Variants in ITPR2 observed in about 807,000 individuals in gnomAD.
ITPR2 encodes the protein inositol 1,4,5-trisphosphate receptor type 2, also known as inositol 1,4,5-trisphosphate-gated calcium channel ITPR2.
Under a neutral mutation model 317.1 loss-of-function variants are expected in ITPR2, and 207 were observed. That is an observed-to-expected ratio of 0.65 (90% confidence interval 0.58 to 0.73). The LOEUF is 0.73. Among genes scored for constraint, ITPR2 ranks in the 30% least tolerant of loss-of-function variants. The pLI is 0.00. For missense variants in ITPR2, 2,613 were observed against 3,284.0 expected (o/e 0.80, Z 4.99); for synonymous variants, 1,156 against 1,149.1 (o/e 1.01, Z -0.12).
chr12:26,407,705 A>T (rs533135304), intron 52 of ITPR2, among the ~76,000 whole-genome samples: 3 of 152,328 alleles, frequency 2.0e-5, no homozygotes, highest in African/African-American at 7.2e-5. Context: ...AGGTTGGAAT[A>T]TAAGCTTTGA....
intron 1 of ITPR2, among the ~76,000 whole-genome samples, chr12:26,820,484 C>A (rs1950922486): frequency 6.6e-6 from 1 of 151,810 alleles, no homozygotes; most frequent in African/African-American, 2.4e-5. Flanking sequence ...ACAATGGATA[C>A]AATAGATAAT....
At position 26,832,835 on chromosome 12, in the gene ITPR2, C is replaced by T; in HGVS notation, c.-54G>A. The T allele has an allele frequency of 7.0e-7, 1 of 1,420,598 alleles. No homozygotes were observed. The highest frequency in any genetic ancestry group is 2.4e-5 in the East Asian group (1 of 41,034). The allele number at this position is 1,420,598 out of a possible 1,614,324, so 88.0% of individuals were successfully genotyped here. On this transcript the variant is annotated 5_prime_UTR_variant, in exon 1 of 57. Transcript: ENST00000381340. ...CTCTTCTTCCCTGCGCCCTCGCCGC[C>T]CTCTCTCCAGGGAGCCGCCGCGGCA...
intron 37 of ITPR2, among the ~76,000 whole-genome samples, chr12:26,530,876 T>G (rs1943926559): frequency 6.6e-6 from 1 of 152,228 alleles, no homozygotes; most frequent in Admixed American, 6.5e-5. Context: ...TCATAAAAAT[T>G]ACATTCAGCA....
chr12:26,565,057 C>A (rs934848948), intron 34 of ITPR2, among the ~76,000 whole-genome samples: 17 of 152,244 alleles, frequency 1.1e-4, no homozygotes, highest in East Asian at 3.9e-4. Flanking sequence ...TTTTGAAACA[C>A]GGACTTTATG....
At chr12:26,449,895 A>G (rs994147703) in intron 45 of ITPR2, among the ~76,000 whole-genome samples, 8 of 152,286 alleles carry the variant, frequency 5.3e-5, no homozygotes, top group African/African-American at 1.7e-4. Flanking sequence ...CCTGGTACCT[A>G]TGAATGTGAT....
chr12:26,338,495 A>G lies in ITPR2; in HGVS notation c.*902T>C, dbSNP rs1319615256. 1 of 152,642 alleles carries G rather than the reference A, an allele frequency of 6.6e-6. No individual in the cohort carries two copies. Among genetic ancestry groups the G allele is most frequent in the Non-Finnish European group, 1.5e-5 (1 of 68,032 alleles). 9.5% of individuals were successfully genotyped at this position (152,642 alleles called of 1,614,324 possible). A position where few individuals can be genotyped will look rare whatever the true frequency, so the allele number is the denominator to read the frequency against. ...CAAATGGCTTTCACTCCATGTTTAT[A>G]AAAGGCAATGCCACCATCATAAGTT... is the stretch of plus-strand genomic sequence containing the variant. On this transcript the variant is annotated 3_prime_UTR_variant, in exon 57 of 57. Coordinates refer to ENST00000381340, the MANE Select transcript of ITPR2 (RefSeq NM_002223.4).
chr12:26,561,934 G>T lies in ITPR2; in HGVS notation c.4649C>A (p.Ala1550Asp). Residue 1550 changes from alanine (A) to aspartate (D), a missense_variant, in exon 35 of 57, where the codon GCC (alanine) becomes GAC (aspartate). Ala to Asp is a moderately radical substitution (Grantham distance 126). This residue lies in a region of ITPR2 where 926 missense variants were observed against 1,072.8 expected (regional missense o/e 0.86). Transcript: ENST00000381340. Reference sequence around the variant, plus strand: ...TTGGCTGTCCAAATCCACTGGAATGGCAATTCCACGATTTTTTGCTGAAAA... The same window carrying T: ...TTGGCTGTCCAAATCCACTGGAATGTCAATTCCACGATTTTTTGCTGAAAA... ...LAEVAKNRGI[A>D]IPVDLDSQVN... is the part of the protein sequence containing the mutation. 6.6e-7 allele frequency: 1 copy of T among 1,514,200 alleles called. No individual in the cohort carries two copies. Among genetic ancestry groups the T allele is most frequent in the East Asian group, 2.5e-5 (1 of 39,692 alleles). The allele number at this position is 1,514,200 out of a possible 1,614,324, so 93.8% of individuals were successfully genotyped here. A position where few individuals can be genotyped will look rare whatever the true frequency, so the allele number is the denominator to read the frequency against.
intron 11 of ITPR2, among the ~76,000 whole-genome samples, chr12:26,686,267 CAG>C (rs1368383739): frequency 6.6e-6 from 1 of 151,976 alleles, no homozygotes; most frequent in Non-Finnish European, 1.5e-5. Context: ...ATAAATTTTT[CAG>C]AGTTTCTTTG....
chr12:26,628,082 G>T lies in ITPR2; in HGVS notation c.3015C>A (p.Asp1005Glu). Reference protein sequence around the residue: ...IYKKEFGEDNDNAETSASGSP... With the variant: ...IYKKEFGEDNENAETSASGSP... The stretch of plus-strand genomic sequence containing the variant: ...ATCCACTGGCAGATGTCTCCGCATT[G>T]TCATTGTCCTCTCCAAACTCCTTCT... The change falls in exon 23 of 57, where the codon GAC becomes GAA. Residue 1005 changes from aspartate to glutamate, a missense_variant. Physicochemically the swap from Asp to Glu is conservative, Grantham distance 45 (BLOSUM62 2). Around this residue, in one of 9 missense-constraint regions of ITPR2, gnomAD observed 817 missense variants for 897.6 expected, o/e 0.91. Transcript: ENST00000381340. 1 of 1,613,242 alleles carries T rather than the reference G, an allele frequency of 6.2e-7. No homozygotes were observed. The highest frequency in any genetic ancestry group is 8.5e-7 in the Non-Finnish European group (1 of 1,179,322).
In ITPR2 at chr12:26,775,549, T is replaced by G. The variant is rs117317339; in HGVS notation, c.163+14608A>C. ...TCTGGCCCAAGATTATTGGGCTGTG[T>G]TATGGTTAATATTAAGTGTCAACTT... On this transcript the variant is annotated intron_variant, in intron 2 of 56. Transcript: ENST00000381340. 1.3e-3 allele frequency among the ~76,000 whole-genome samples: 194 copies of G among 152,236 alleles called. 4 individuals are homozygous for G. In the East Asian group the frequency reaches 0.031, roughly 24 times the overall value.
chr12:26,704,729 C>T (rs1948519236), intron 9 of ITPR2, among the ~76,000 whole-genome samples: 2 of 152,104 alleles, frequency 1.3e-5, no homozygotes, highest in South Asian at 4.1e-4. Flanking sequence ...TCTTTAATTC[C>T]AGAATAATAC....
chr12:26,517,380 G>A (rs1027984470), intron 37 of ITPR2, among the ~76,000 whole-genome samples: 1 of 152,106 alleles, frequency 6.6e-6, no homozygotes, highest in African/African-American at 2.4e-5. Context: ...ATTGAAAAAT[G>A]GCCAAAGGAC....
intron 51 of ITPR2, among the ~76,000 whole-genome samples, 153 bp from the exon 52 acceptor site, chr12:26,411,565 C>T (rs1940551621): frequency 6.6e-6 from 1 of 152,222 alleles, no homozygotes; most frequent in African/African-American, 2.4e-5. Flanking sequence ...GAATTCTGAA[C>T]ACAGTTTTGC....
At chr12:26,453,737 A>T (rs908366863) in intron 45 of ITPR2, among the ~76,000 whole-genome samples, 14 of 152,224 alleles carry the variant, frequency 9.2e-5, no homozygotes, top group African/African-American at 3.1e-4. Context: ...AGCATCCAGA[A>T]ATGAATTTGC....
chr12:26,675,846 A>G (rs895315355), intron 13 of ITPR2, among the ~76,000 whole-genome samples: 9 of 152,250 alleles, frequency 5.9e-5, no homozygotes, highest in Non-Finnish European at 1.2e-4. Flanking sequence ...TCAATCTAAC[A>G]TCTCTATAAA....
chr12:26,761,611 T>C (rs886146865), intron 2 of ITPR2, among the ~76,000 whole-genome samples: 4 of 152,166 alleles, frequency 2.6e-5, no homozygotes, highest in Non-Finnish European at 5.9e-5. Flanking sequence ...CTGGGCAACA[T>C]AGTGAGAACA....
chr12:26,799,835 G>C (rs1189351952), intron 1 of ITPR2, among the ~76,000 whole-genome samples: 1 of 152,168 alleles, frequency 6.6e-6, no homozygotes, highest in East Asian at 1.9e-4. Context: ...ATATAAACAG[G>C]CATCTCTACC....
intron 37 of ITPR2, among the ~76,000 whole-genome samples, chr12:26,497,281 G>C (rs1942957758): frequency 6.6e-6 from 1 of 151,460 alleles, no homozygotes. Flanking sequence ...AGCCTCCAGA[G>C]TAGCTGGGAC....
chr12:26,455,334 C>A (rs1591799746), intron 45 of ITPR2, among the ~76,000 whole-genome samples: 1 of 104,700 alleles, frequency 9.6e-6, no homozygotes, highest in South Asian at 3.4e-4. Flanking sequence ...ACTGTCTAAT[C>A]AACAGCTGCT....
Sources: gnomAD v4.1 joint callset for allele counts (sites outside exome capture counted in the v4.1 genomes callset) on GRCh38, gnomAD v4.1.1 for gene constraint, gnomAD v4.1.1 regional missense constraint, MANE v1.5 for transcripts, NCBI Gene and HGNC (gene_info 2026-07-23, HGNC 2026-07-21) for gene names.